The following SLCO5A1 variants were observed in gnomAD, a reference collection of about 807,000 sequenced individuals.
SLCO5A1 encodes the protein solute carrier organic anion transporter family member 5A1, also known as organic anion transporter polypeptide-related protein 4.
A neutral mutation model predicts 65.1 loss-of-function variants in SLCO5A1; 39 were observed. The observed-to-expected ratio is 0.60, with a 90% CI of 0.46 to 0.78. The LOEUF (loss-of-function observed/expected upper bound fraction) is 0.78. Ranked by LOEUF, SLCO5A1 falls within the 30% of genes least tolerant of loss-of-function variation. The pLI is 0.00. For missense variants in SLCO5A1, 1,029 were observed against 1,069.4 expected (o/e 0.96, Z 0.53); for synonymous variants, 438 against 415.7 (o/e 1.05, Z -0.65).
chr8:69,744,379 C>T (rs543239424), intron 4 of SLCO5A1, among the ~76,000 whole-genome samples: 62 of 152,282 alleles, frequency 4.1e-4, no homozygotes, highest in Non-Finnish European at 5.9e-4. Context: ...CATCTCTGTA[C>T]TATTTGTGGT....
intron 2 of SLCO5A1, among the ~76,000 whole-genome samples, chr8:69,826,327 A>G (rs1340687003): frequency 6.6e-6 from 1 of 151,932 alleles, no homozygotes; most frequent in Admixed American, 6.6e-5. Context: ...AGAAACTACC[A>G]TCAGAGTGAA....
intron 2 of SLCO5A1, among the ~76,000 whole-genome samples, chr8:69,766,512 T>C (rs941909324): frequency 6.6e-5 from 10 of 151,664 alleles, no homozygotes; most frequent in Non-Finnish European, 1.3e-4. Flanking sequence ...TGTGTGTTTG[T>C]GTGTGTGTGT....
At chr8:69,745,801 C>T (rs183080421) in intron 4 of SLCO5A1, among the ~76,000 whole-genome samples, 5 of 152,168 alleles carry the variant, frequency 3.3e-5, no homozygotes, top group East Asian at 1.9e-4. Flanking sequence ...AGTACAGTCA[C>T]GATGTTGTGC....
intron 2 of SLCO5A1, among the ~76,000 whole-genome samples, chr8:69,769,241 C>T (rs1340121933): frequency 6.6e-6 from 1 of 152,218 alleles, no homozygotes; most frequent in Admixed American, 6.5e-5. Flanking sequence ...GTATTATCTG[C>T]ACTGCCCACT....
At chr8:69,741,828 T>C (rs1816798807) in intron 4 of SLCO5A1, among the ~76,000 whole-genome samples, 1 of 152,234 alleles carries the variant, frequency 6.6e-6, no homozygotes, top group Admixed American at 6.5e-5. Flanking sequence ...TGTACCTTTT[T>C]TAAAAGACCA....
At chr8:69,694,725 G>T (rs540486741) in intron 6 of SLCO5A1, among the ~76,000 whole-genome samples, 2 of 152,274 alleles carry the variant, frequency 1.3e-5, no homozygotes, top group Non-Finnish European at 2.9e-5. Flanking sequence ...GTATTCCTAG[G>T]ACTTGAGAAA....
At chr8:69,767,761 G>A (rs1403239778) in intron 2 of SLCO5A1, among the ~76,000 whole-genome samples, 4 of 151,700 alleles carry the variant, frequency 2.6e-5, no homozygotes, top group East Asian at 1.9e-4. Flanking sequence ...ATGGCGGCAG[G>A]CACCTGTAGT....
chr8:69,727,815 C>T (rs139108991), intron 5 of SLCO5A1, among the ~76,000 whole-genome samples: 4 of 152,258 alleles, frequency 2.6e-5, no homozygotes, highest in African/African-American at 4.8e-5. Context: ...CAGGAAAGAG[C>T]GTGGGAAGGA....
chr8:69,782,788 A>G (rs992409249), intron 2 of SLCO5A1, among the ~76,000 whole-genome samples: 9 of 152,156 alleles, frequency 5.9e-5, no homozygotes, highest in African/African-American at 1.9e-4. Context: ...GAAAAAGACA[A>G]AAGTGCCAAA....
intron 2 of SLCO5A1, among the ~76,000 whole-genome samples, chr8:69,829,123 C>G (rs1029857701): frequency 2.6e-5 from 4 of 152,180 alleles, no homozygotes; most frequent in Non-Finnish European, 5.9e-5. Context: ...CAATCACTCA[C>G]CCAACCAAAT....
At chr8:69,801,783 G>C (rs553158539) in intron 2 of SLCO5A1, among the ~76,000 whole-genome samples, 1 of 152,272 alleles carries the variant, frequency 6.6e-6, no homozygotes, top group South Asian at 2.1e-4. Context: ...GTGACTCCAG[G>C]ATCCTCAGAG....
At chr8:69,708,561 A>C (rs1815076413) in intron 5 of SLCO5A1, among the ~76,000 whole-genome samples, 1 of 20,086 alleles carries the variant, frequency 5.0e-5, no homozygotes, top group Admixed American at 3.1e-4. Context: ...ACACTGTTTC[A>C]AAAAAAAAAA....
chr8:69,795,628 C>T lies in SLCO5A1; in HGVS notation c.908-33753G>A, dbSNP rs1715901006. On this transcript the variant is annotated intron_variant, in intron 2 of 9. Coordinates refer to ENST00000260126, the MANE Select transcript of SLCO5A1 (RefSeq NM_030958.3). ...TGGCATTGAGTGGCTGTGGCTTTTCCAGGCTAAGGGTGCAAGATGACAGTG... is the reference window on the plus strand; with the variant it reads ...TGGCATTGAGTGGCTGTGGCTTTTCTAGGCTAAGGGTGCAAGATGACAGTG... Among the ~76,000 whole-genome samples the T allele has an allele frequency of 3.3e-5, 5 of 152,202 alleles. 1 individual carries two copies. In the South Asian group the frequency reaches 1.0e-3, roughly 32 times the overall value.
At chr8:69,766,001 T>G (rs1818046039) in intron 2 of SLCO5A1, among the ~76,000 whole-genome samples, 1 of 152,196 alleles carries the variant, frequency 6.6e-6, no homozygotes, top group Admixed American at 6.5e-5. Flanking sequence ...GCACTTATCT[T>G]GAATGGAAGT....
chr8:69,776,576 G>A (rs1467288316), intron 2 of SLCO5A1, among the ~76,000 whole-genome samples: 2 of 152,062 alleles, frequency 1.3e-5, no homozygotes, highest in Non-Finnish European at 2.9e-5. Context: ...TGTAGTCCCG[G>A]CTACTCAAGA....
At position 69,742,559 on chromosome 8, in the gene SLCO5A1, A is replaced by C. The variant is rs142027846; in HGVS notation, c.1259-4355T>G. Among the ~76,000 whole-genome samples, 1,318 of 152,332 alleles carry C rather than the reference A, an allele frequency of 8.7e-3. 19 individuals carry two copies. The highest frequency in any genetic ancestry group is 0.03 in the African/African-American group (1,238 of 41,578). Reference sequence around the variant, plus strand: ...AAGAGGTTATAATTTAAGGTGGTCTATACTCTGAAATCACTTTTAAAAGAA... The same window carrying C: ...AAGAGGTTATAATTTAAGGTGGTCTCTACTCTGAAATCACTTTTAAAAGAA... On this transcript the variant is annotated intron_variant, in intron 4 of 9. Coordinates refer to ENST00000260126, the MANE Select transcript of SLCO5A1 (RefSeq NM_030958.3).
In SLCO5A1 at chr8:69,775,916, G is replaced by A. The variant is rs182218332; in HGVS notation, c.908-14041C>T. 2.6e-5 allele frequency among the ~76,000 whole-genome samples: 4 copies of A among 152,260 alleles called. No individual in the cohort carries two copies. In the East Asian group the frequency reaches 7.7e-4, roughly 29 times the overall value. ...TGTAGTCCCAGCTACTTGGGAGGTT[G>A]AGCCAGGAAGATGGCTTGAGCCCAG... On this transcript the variant is annotated intron_variant, in intron 2 of 9. Coordinates refer to ENST00000260126, the MANE Select transcript of SLCO5A1 (RefSeq NM_030958.3).
chr8:69,779,879 T>C (rs933362725), intron 2 of SLCO5A1, among the ~76,000 whole-genome samples: 2 of 152,076 alleles, frequency 1.3e-5, no homozygotes, highest in African/African-American at 2.4e-5. Context: ...ACCTGCAGAA[T>C]AGGAGAAAAT....
Position 69,758,305 on chromosome 8 carries a change from G to C in SLCO5A1, c.1041-2664C>G, listed in dbSNP as rs369814342. On this transcript the variant is annotated intron_variant, in intron 3 of 9. Coordinates refer to ENST00000260126, the MANE Select transcript of SLCO5A1 (RefSeq NM_030958.3). ...GAGCTCAAGTGATCCTCCCACCTCAGCCTACCAAATAGCTGGGACTACAGG... is the reference window on the plus strand; with the variant it reads ...GAGCTCAAGTGATCCTCCCACCTCACCCTACCAAATAGCTGGGACTACAGG... Among the ~76,000 whole-genome samples, 17 of 152,200 alleles carry C rather than the reference G, an allele frequency of 1.1e-4. 1 individual carries two copies. The highest frequency in any genetic ancestry group is 2.6e-4 in the African/African-American group (11 of 41,524).
Sources: gnomAD v4.1 joint callset for allele counts (sites outside exome capture counted in the v4.1 genomes callset) on GRCh38, gnomAD v4.1.1 for gene constraint, MANE v1.5 for transcripts, NCBI Gene and HGNC (gene_info 2026-07-23, HGNC 2026-07-21) for gene names.